SASH1: variants seen among roughly 807,000 people sequenced by gnomAD.
SASH1 encodes SAM and SH3 domain containing 1.
SASH1 carries 44 observed loss-of-function variants against 125.2 expected under a neutral mutation model. The ratio of observed to expected loss-of-function variants is 0.35; its 90% CI spans 0.28 to 0.45. The LOEUF (loss-of-function observed/expected upper bound fraction) is 0.45, where lower values mean the gene tolerates loss of function less well. SASH1 is among the 20% of genes least tolerant of loss of function. The probability of loss-of-function intolerance (pLI) is 1.00; values close to 1 mark genes in which losing one functional copy is unlikely to be tolerated. For synonymous variants in SASH1, 639 were observed against 649.1 expected (o/e 0.98, Z 0.24); for missense variants, 1,426 against 1,614.5 (o/e 0.88, Z 2.00).
intron 1 of SASH1, among the ~76,000 whole-genome samples, chr6:148,277,686 C>T (rs546999439): frequency 6.6e-6 from 1 of 152,226 alleles, no homozygotes; most frequent in South Asian, 2.1e-4. Context: ...CTATTTTGAC[C>T]TACTTAAAAG....
intron 1 of SASH1, among the ~76,000 whole-genome samples, chr6:148,379,176 G>A (rs1935855591): frequency 6.6e-6 from 1 of 152,070 alleles, no homozygotes; most frequent in South Asian, 2.1e-4. Flanking sequence ...AAATATCTAT[G>A]GCTATTGAAT....
intron 1 of SASH1, among the ~76,000 whole-genome samples, chr6:148,387,511 T>G (rs1276672054): frequency 6.9e-6 from 1 of 144,960 alleles, no homozygotes; most frequent in Non-Finnish European, 1.5e-5. Context: ...CTCTCTTTCT[T>G]TTTCCTTCTT....
chr6:148,380,427 C>A (rs1404398172), intron 1 of SASH1, among the ~76,000 whole-genome samples: 1 of 152,188 alleles, frequency 6.6e-6, no homozygotes, highest in African/African-American at 2.4e-5. Context: ...CACAGCCTCA[C>A]GTTTGTGTGC....
At chr6:148,385,420 A>G (rs948057624) in intron 1 of SASH1, among the ~76,000 whole-genome samples, 2 of 152,336 alleles carry the variant, frequency 1.3e-5, no homozygotes, top group African/African-American at 4.8e-5. Flanking sequence ...TGTGAAATAC[A>G]TATTTGGTCT....
At chr6:148,271,157 G>A (rs985875438), upstream of SASH1, among the ~76,000 whole-genome samples, 1 of 152,020 alleles carries the variant, frequency 6.6e-6, no homozygotes, top group Non-Finnish European at 1.5e-5. Flanking sequence ...TGATCCACCT[G>A]CCTTGGCTTC....
At chr6:148,338,052 G>T (rs370639791), upstream of SASH1, among the ~76,000 whole-genome samples, 73 of 151,864 alleles carry the variant, frequency 4.8e-4, no homozygotes, top group African/African-American at 1.3e-3. Context: ...ATCTTCAATG[G>T]AATATCTACA....
At chr6:148,468,760 T>C (rs915356818) in intron 5 of SASH1, 175 bp downstream of exon 5, 17 of 538,080 alleles carry the variant, frequency 3.2e-5, no homozygotes, top group Admixed American at 1.5e-4. Flanking sequence ...AAAATATAAT[T>C]GTGATCATAT....
intron 2 of SASH1, among the ~76,000 whole-genome samples, chr6:148,400,074 G>A (rs1477839726): frequency 1.3e-5 from 2 of 152,244 alleles, no homozygotes; most frequent in African/African-American, 4.8e-5. Flanking sequence ...GATCTGAAGT[G>A]AGACAAAATG....
At chr6:148,387,660 CTTTCTTTCTTTCTTTCTTTCTTTCTTTCT>C (rs1783514541) in intron 1 of SASH1, among the ~76,000 whole-genome samples, 1 of 55,798 alleles carries the variant, frequency 1.8e-5, no homozygotes, top group African/African-American at 9.1e-5. Context: ...TTCTTTCTTT[CTTTCTTTCTTTCTTTCTTTCTTTCTTTCT>C]TTCGGCATCC....
chr6:148,270,047 T>C (rs966385946), upstream of SASH1, among the ~76,000 whole-genome samples: 4 of 152,212 alleles, frequency 2.6e-5, no homozygotes, highest in African/African-American at 7.2e-5. Context: ...GCTTCTGTGC[T>C]CCTAAGAGCC....
chr6:148,426,487 T>C (rs1755942756), intron 2 of SASH1, among the ~76,000 whole-genome samples: 1 of 152,190 alleles, frequency 6.6e-6, no homozygotes, highest in African/African-American at 2.4e-5. Context: ...GGTGCTCTGG[T>C]TTCCATTGTC....
intron 4 of SASH1, among the ~76,000 whole-genome samples, chr6:148,451,019 C>A (rs1449479662): frequency 6.6e-6 from 1 of 152,218 alleles, no homozygotes; most frequent in African/African-American, 2.4e-5. Flanking sequence ...TGTTATCTAT[C>A]TTGTCTGGCC....
chr6:148,518,235 CT>C (rs1454264684), intron 9 of SASH1, among the ~76,000 whole-genome samples: 2 of 152,148 alleles, frequency 1.3e-5, no homozygotes, highest in Non-Finnish European at 2.9e-5. Flanking sequence ...TAAAGTCCCC[CT>C]GAAAGATCCC....
intron 1 of SASH1, among the ~76,000 whole-genome samples, chr6:148,295,906 T>C (rs888387003): frequency 6.6e-6 from 1 of 152,228 alleles, no homozygotes; most frequent in Non-Finnish European, 1.5e-5. Context: ...ATTCTGACAG[T>C]CTGTATTCTA....
At chr6:148,273,680 A>G (rs1779116703) in intron 1 of SASH1, among the ~76,000 whole-genome samples, 1 of 152,040 alleles carries the variant, frequency 6.6e-6, no homozygotes, top group African/African-American at 2.4e-5. Context: ...AGAGTCTGAG[A>G]GCCCAACCAC....
chr6:148,439,320 G>A (rs369530025), intron 2 of SASH1, among the ~76,000 whole-genome samples: 4 of 152,240 alleles, frequency 2.6e-5, no homozygotes, highest in Middle Eastern at 3.4e-3. Flanking sequence ...TCGATACCGC[G>A]CGAGTGTTTG....
chr6:148,397,070 A>G (rs1029773514), intron 2 of SASH1, among the ~76,000 whole-genome samples: 1 of 152,176 alleles, frequency 6.6e-6, no homozygotes, highest in Admixed American at 6.5e-5. Flanking sequence ...GAACATCTAT[A>G]AAGATCATAA....
intron 8 of SASH1, among the ~76,000 whole-genome samples, chr6:148,492,755 A>C (rs559569613): frequency 6.6e-6 from 1 of 152,090 alleles, no homozygotes; most frequent in African/African-American, 2.4e-5. Flanking sequence ...CAGGAGGCGG[A>C]GGTTGCAGTG....
At chr6:148,200,502 A>G in the SASH1 span, among the ~76,000 whole-genome samples, 1 of 152,190 alleles carries the variant, frequency 6.6e-6, no homozygotes, top group South Asian at 2.1e-4. Context: ...GTCCAGTGTG[A>G]TTCTGGATGC....
Sources: allele counts gnomAD v4.1 joint callset (sites outside exome capture counted in the v4.1 genomes callset), GRCh38; gene constraint gnomAD v4.1.1; transcripts MANE v1.5; gene names NCBI Gene and HGNC (gene_info 2026-07-23, HGNC 2026-07-21).